MPPED2: variants seen among roughly 807,000 people sequenced by gnomAD.
MPPED2 encodes the protein metallophosphoesterase domain containing 2.
Under a neutral mutation model 33.0 loss-of-function variants are expected in MPPED2, and 5 were observed. The ratio of observed to expected loss-of-function variants is 0.15; its 90% confidence interval spans 0.08 to 0.32. The LOEUF is 0.32. Among genes scored for constraint, MPPED2 ranks in the 10% least tolerant of loss-of-function variants. MPPED2 has a pLI of 1.00. For synonymous variants in MPPED2, 136 were observed against 141.9 expected (o/e 0.96, Z 0.29); for missense variants, 275 against 372.1 (o/e 0.74, Z 2.15).
exon 7 of MPPED2, chr11:30,386,212 A>G (rs1947700839): frequency 6.6e-6 from 1 of 152,358 alleles, no homozygotes; most frequent in African/African-American, 2.4e-5. Flanking sequence ...CTTGCTAGAC[A>G]GATTAGCATG....
At chr11:30,418,668 A>G (rs781703930) in intron 4 of MPPED2, among the ~76,000 whole-genome samples, 16 of 152,222 alleles carry the variant, frequency 1.1e-4, no homozygotes, top group Non-Finnish European at 2.1e-4. Flanking sequence ...AGCCCAACTT[A>G]CCCTTTCAGT....
At chr11:30,491,794 G>A (rs73455795) in intron 4 of MPPED2, among the ~76,000 whole-genome samples, 50 of 152,176 alleles carry the variant, frequency 3.3e-4, no homozygotes, top group African/African-American at 1.1e-3. Context: ...TAATTTTGAT[G>A]AAATATCTTC....
intron 2 of MPPED2, among the ~76,000 whole-genome samples, chr11:30,556,150 T>G (rs1369669858): frequency 6.6e-6 from 1 of 152,176 alleles, no homozygotes; most frequent in Non-Finnish European, 1.5e-5. Flanking sequence ...CGGGAACTAA[T>G]AATACAAAGA....
At chr11:30,514,144 G>C (rs1953384196) in intron 3 of MPPED2, among the ~76,000 whole-genome samples, 2 of 152,142 alleles carry the variant, frequency 1.3e-5, no homozygotes, top group Non-Finnish European at 2.9e-5. Context: ...CTCCAGAAAG[G>C]TAAACTTATT....
At chr11:30,455,470 G>T (rs1159202155) in intron 4 of MPPED2, among the ~76,000 whole-genome samples, 2 of 152,202 alleles carry the variant, frequency 1.3e-5, no homozygotes, top group East Asian at 3.8e-4. Flanking sequence ...CTTCTGGAGT[G>T]AATTTTGGCA....
chr11:30,522,452 G>A (rs191182638), intron 3 of MPPED2, among the ~76,000 whole-genome samples: 29 of 151,408 alleles, frequency 1.9e-4, no homozygotes, highest in Admixed American at 6.6e-4. Flanking sequence ...AGCAAATGTA[G>A]CAAAACATTA....
intron 4 of MPPED2, among the ~76,000 whole-genome samples, chr11:30,479,291 G>T (rs1478916044): frequency 6.6e-6 from 1 of 152,076 alleles, no homozygotes; most frequent in South Asian, 2.1e-4. Context: ...TAGATGACTG[G>T]ATCTGTTGAA....
chr11:30,439,128 G>A (rs1238149293), intron 4 of MPPED2, among the ~76,000 whole-genome samples: 4 of 152,214 alleles, frequency 2.6e-5, no homozygotes, highest in African/African-American at 9.6e-5. Context: ...TAGTTACGAA[G>A]TTTCCTGGGT....
chr11:30,529,032 A>C (rs1954360534), intron 3 of MPPED2, among the ~76,000 whole-genome samples: 1 of 152,222 alleles, frequency 6.6e-6, no homozygotes, highest in Admixed American at 6.5e-5. Context: ...GTAGAATAAT[A>C]AAAGAATGGA....
intron 3 of MPPED2, among the ~76,000 whole-genome samples, chr11:30,497,689 A>G (rs900369092): frequency 6.7e-5 from 10 of 148,852 alleles, no homozygotes; most frequent in Admixed American, 6.6e-5. Flanking sequence ...CCCCCTTCAG[A>G]CTGGGTTTTT....
chr11:30,583,143 T>C (rs989842902), intron 1 of MPPED2, among the ~76,000 whole-genome samples: 44 of 37,530 alleles, frequency 1.2e-3, no homozygotes, highest in South Asian at 2.3e-3. Flanking sequence ...TCTTTTTTTT[T>C]TTTTTTTTTT....
At chr11:30,449,040 A>G (rs1280974124) in intron 4 of MPPED2, among the ~76,000 whole-genome samples, 2 of 152,138 alleles carry the variant, frequency 1.3e-5, no homozygotes, top group Non-Finnish European at 2.9e-5. Context: ...TGTTTTAGTC[A>G]TCTGTTTACT....
chr11:30,454,751 G>T (rs1950209149), intron 4 of MPPED2, among the ~76,000 whole-genome samples: 2 of 152,124 alleles, frequency 1.3e-5, no homozygotes, highest in South Asian at 4.1e-4. Flanking sequence ...CAAGAATATG[G>T]GTTAGGTTGC....
chr11:30,416,788 G>A (rs1011189061), intron 5 of MPPED2, among the ~76,000 whole-genome samples: 4 of 152,192 alleles, frequency 2.6e-5, no homozygotes, highest in African/African-American at 7.2e-5. Context: ...GTAGATGTGG[G>A]ATCAGGGCGG....
At chr11:30,541,818 C>T (rs112029671) in intron 2 of MPPED2, among the ~76,000 whole-genome samples, 44 of 152,296 alleles carry the variant, frequency 2.9e-4, no homozygotes, top group African/African-American at 1.1e-3. Flanking sequence ...TCTCAAACTC[C>T]TGACCTCAAG....
intron 4 of MPPED2, among the ~76,000 whole-genome samples, chr11:30,423,601 T>G (rs555262607): frequency 6.6e-6 from 1 of 152,210 alleles, no homozygotes; most frequent in Non-Finnish European, 1.5e-5. Flanking sequence ...GCATGGATTA[T>G]GGAGTCAAAC....
intron 4 of MPPED2, among the ~76,000 whole-genome samples, chr11:30,424,851 GAC>G (rs147870622): frequency 2.0e-5 from 3 of 152,090 alleles, no homozygotes; most frequent in Non-Finnish European, 4.4e-5. Flanking sequence ...GCAGCAAAGA[GAC>G]ACACACACAC....
At chr11:30,505,809 G>A (rs991910245) in intron 3 of MPPED2, among the ~76,000 whole-genome samples, 1 of 151,328 alleles carries the variant, frequency 6.6e-6, no homozygotes, top group Non-Finnish European at 1.5e-5. Flanking sequence ...AAAGAGTGTG[G>A]ACTTTGGAGT....
chr11:30,411,851 T>C (rs1212338188), intron 6 of MPPED2, among the ~76,000 whole-genome samples: 1 of 152,188 alleles, frequency 6.6e-6, no homozygotes, highest in Non-Finnish European at 1.5e-5. Flanking sequence ...GGCTGTGATT[T>C]CTTTACTAGG....
Sources: gnomAD v4.1 joint callset for allele counts (sites outside exome capture counted in the v4.1 genomes callset) on GRCh38, gnomAD v4.1.1 for gene constraint, MANE v1.5 for transcripts, NCBI Gene and HGNC (gene_info 2026-07-23, HGNC 2026-07-21) for gene names.